TMCO6: variants seen among roughly 807,000 people sequenced by gnomAD.
TMCO6 encodes the protein transmembrane and coiled-coil domain-containing protein 6.
In TMCO6, 47 loss-of-function variants were observed where a neutral mutation model predicts 61.8. The ratio of observed to expected loss-of-function variants is 0.76; its 90% CI spans 0.60 to 0.97. The LOEUF (loss-of-function observed/expected upper bound fraction) is 0.97, where lower values mean the gene tolerates loss of function less well. TMCO6 is among the 50% of genes least tolerant of loss of function. TMCO6 has a pLI of 0.00. For missense variants in TMCO6, 557 were observed against 601.6 expected, an observed-to-expected ratio of 0.93 and a Z score of 0.78; for synonymous variants, 261 against 254.2, an observed-to-expected ratio of 1.03 and a Z score of -0.25.
At chr5:140,604,671 T>C in the TMCO6 span, among the ~76,000 whole-genome samples, 2 of 152,190 alleles carry the variant, frequency 1.3e-5, no homozygotes, top group African/African-American at 4.8e-5. Context: ...GATTAATCCC[T>C]AGGTTTTCTT....
intron 6 of TMCO6, 45 bp downstream of exon 6, chr5:140,642,716 C>A (rs1001231519): frequency 6.2e-6 from 10 of 1,600,608 alleles, no homozygotes; most frequent in South Asian, 1.1e-5. Context: ...GTGACCCACT[C>A]AGTAGTATAG....
rs747537108 is a variant in TMCO6, at chr5:140,643,824, G to A, written c.963G>A (p.Glu321=). The A allele has an allele frequency of 7.4e-6, 12 of 1,614,230 alleles. No individual in the cohort carries two copies. The East Asian group carries it at 1.8e-4, about 24-fold the overall frequency. ...VLRCLSNLLT[E]AAVETVGGQM... ...GATGTCTAAGCAACCTGCTAACTGAGGCAGCAGTGGAGACTGTGGGAGGGC... is the reference window on the plus strand; with the variant it reads ...GATGTCTAAGCAACCTGCTAACTGAAGCAGCAGTGGAGACTGTGGGAGGGC... Residue 321 remains glutamate, a synonymous_variant, in exon 9 of 12, where the codon GAG becomes GAA. Transcript: ENST00000394671.
At chr5:140,612,748 C>T in the TMCO6 span, among the ~76,000 whole-genome samples, 1 of 152,200 alleles carries the variant, frequency 6.6e-6, no homozygotes, top group African/African-American at 2.4e-5. Flanking sequence ...AACAAAAGAT[C>T]ACAATCCTTG....
chr5:140,611,344 A>C, the TMCO6 span, among the ~76,000 whole-genome samples: 1 of 152,198 alleles, frequency 6.6e-6, no homozygotes, highest in East Asian at 1.9e-4. Context: ...ATCTCAGTGC[A>C]CCTAAAGGAA....
chr5:140,643,221 C>A, intron 7 of TMCO6, 180 bp downstream of exon 7: 1 of 839,126 alleles, frequency 1.2e-6, no homozygotes, highest in East Asian at 2.7e-5. Flanking sequence ...TTGAGACAGT[C>A]TCACTCTGTC....
chr5:140,627,023 TC>T, the TMCO6 span, among the ~76,000 whole-genome samples: 2,212 of 152,204 alleles, frequency 0.015, 53 homozygotes, highest in African/African-American at 0.051. Flanking sequence ...CTTCTACTTT[TC>T]CCTATCCAAC....
chr5:140,618,076 A>G, the TMCO6 span, among the ~76,000 whole-genome samples: 1 of 152,180 alleles, frequency 6.6e-6, no homozygotes, highest in African/African-American at 2.4e-5. Flanking sequence ...AGAACAATGG[A>G]ACAGAATAGA....
the TMCO6 span, among the ~76,000 whole-genome samples, chr5:140,605,769 T>G: frequency 6.6e-6 from 1 of 151,854 alleles, no homozygotes; most frequent in Non-Finnish European, 1.5e-5. Context: ...CCTTTTCTGT[T>G]TTTTGAAAGA....
upstream of TMCO6, among the ~76,000 whole-genome samples, chr5:140,636,455 C>T (rs944137916): frequency 7.0e-6 from 1 of 142,108 alleles, no homozygotes; most frequent in Non-Finnish European, 1.5e-5. Context: ...GGCAACCGAG[C>T]AAGACCCTGG....
Position 140,643,555 on chromosome 5 carries a change from G to C in TMCO6, c.807-9G>C. On this transcript the variant is annotated splice_polypyrimidine_tract_variant and intron_variant, in intron 7 of 11. Transcript: ENST00000394671. ...TATACCTAGGGACTGCTTGCTTCCT[G>C]TTGCCCAGCCAGGTCAGCAATCCTC... 1.2e-6 allele frequency: 2 copies of C among 1,613,140 alleles called. No individual in the cohort carries two copies. The highest frequency in any genetic ancestry group is 1.7e-6 in the Non-Finnish European group (2 of 1,179,664).
At chr5:140,607,929 A>G in the TMCO6 span, among the ~76,000 whole-genome samples, 6 of 151,778 alleles carry the variant, frequency 4.0e-5, no homozygotes, top group South Asian at 2.1e-4. Context: ...AGCTGGGATT[A>G]CAGGCACTCA....
At chr5:140,603,840 T>C in the TMCO6 span, among the ~76,000 whole-genome samples, 1 of 152,126 alleles carries the variant, frequency 6.6e-6, no homozygotes, top group African/African-American at 2.4e-5. Context: ...TGTTTTCATT[T>C]CTCTTGAGTA....
upstream of TMCO6, among the ~76,000 whole-genome samples, chr5:140,637,630 C>T (rs935855246): frequency 4.6e-5 from 7 of 152,130 alleles, no homozygotes; most frequent in Admixed American, 2.0e-4. Context: ...ACCTCTCTAC[C>T]GTTAACATCA....
At position 140,641,738 on chromosome 5, in the gene TMCO6, G is replaced by A. The variant is rs758163180; in HGVS notation, c.272G>A (p.Arg91His). ...AGAGAGGGGGCTCTGGTCAGCCTTC[G>A]TCGAGGCTTGCAGCACCCTGAAACA... ...KEREGALVSL[R>H]RGLQHPETQQ... The change falls in exon 3 of 12, where the codon CGT becomes CAT. Residue 91 changes from arginine (R) to histidine (H), a missense_variant. Transcript: ENST00000394671. 7.4e-6 allele frequency: 12 copies of A among 1,614,078 alleles called. No individual in the cohort carries two copies. Among genetic ancestry groups the A allele is most frequent in the Non-Finnish European group, 1.0e-5 (12 of 1,180,050 alleles).
the TMCO6 span, among the ~76,000 whole-genome samples, chr5:140,614,142 G>A: frequency 1.7e-4 from 26 of 152,130 alleles, no homozygotes; most frequent in African/African-American, 5.5e-4. Flanking sequence ...CTTGTGATCC[G>A]CCTGCCTTGG....
At position 140,645,400 on chromosome 5, in the gene TMCO6, A is replaced by G. The variant is rs756268468; in HGVS notation, c.*302A>G. On this transcript the variant is annotated 3_prime_UTR_variant, in exon 12 of 12. Transcript: ENST00000394671. ...AGACAGAATAAAGTTTTATTTTTAT[A>G]TTAAGCTACTTTGCCTCAGTGGTTG... 9.7e-6 allele frequency: 8 copies of G among 822,714 alleles called. No homozygotes were observed. The Admixed American group carries it at 1.6e-4, about 16-fold the overall frequency. The allele number at this position is 822,714 out of a possible 1,614,324, so 51.0% of individuals were successfully genotyped here. A position where few individuals can be genotyped will look rare whatever the true frequency, so the allele number is the denominator to read the frequency against.
At chr5:140,604,990 T>C in the TMCO6 span, among the ~76,000 whole-genome samples, 2 of 152,198 alleles carry the variant, frequency 1.3e-5, no homozygotes, top group African/African-American at 4.8e-5. Context: ...TGTCTTTCCA[T>C]TTATTTAGGT....
At chr5:140,605,266 T>A in the TMCO6 span, among the ~76,000 whole-genome samples, 1 of 152,228 alleles carries the variant, frequency 6.6e-6, no homozygotes, top group South Asian at 2.1e-4. Context: ...TAGAATCATA[T>A]CATATGCAAA....
rs748743605 is a variant in TMCO6, at chr5:140,643,959, C to A, written c.1098C>A (p.Asn366Lys). The change falls in exon 9 of 12, where the codon AAC becomes AAA. Residue 366 changes from asparagine (N) to lysine (K), a missense_variant. By Grantham distance (94) the Asn-to-Lys change is moderately conservative. Coordinates refer to ENST00000394671, the MANE Select transcript of TMCO6 (RefSeq NM_018502.5). ...CTGAGGGCCTTTGGCTCCTCAACAA[C>A]CTCACTGGTACGCACCATAATCTGC... Reference protein sequence around the residue: ...LLPEGLWLLNNLTANSPSFCT... With the variant: ...LLPEGLWLLNKLTANSPSFCT... 3.7e-6 allele frequency: 6 copies of A among 1,614,186 alleles called. No individual in the cohort carries two copies. Among genetic ancestry groups the A allele is most frequent in the Non-Finnish European group, 5.1e-6 (6 of 1,180,024 alleles).
Sources: allele counts gnomAD v4.1 joint callset (sites outside exome capture counted in the v4.1 genomes callset), GRCh38; gene constraint gnomAD v4.1.1; transcripts MANE v1.5; gene names NCBI Gene and HGNC (gene_info 2026-07-23, HGNC 2026-07-21).